SLC9A9: variants seen among roughly 807,000 people sequenced by gnomAD.
The protein encoded by SLC9A9 is solute carrier family 9 member A9, also known as sodium/hydrogen exchanger 9.
SLC9A9 carries 62 observed loss-of-function variants against 77.8 expected under a neutral mutation model. The ratio of observed to expected loss-of-function variants is 0.80; its 90% CI spans 0.65 to 0.98. The LOEUF is 0.98. SLC9A9 is among the 50% of genes least tolerant of loss of function. The pLI is 0.00. For synonymous variants in SLC9A9, 320 were observed against 283.5 expected, an observed-to-expected ratio of 1.13 and a Z score of -1.29; for missense variants, 775 against 774.9, an observed-to-expected ratio of 1.00 and a Z score of 0.00.
In SLC9A9 at chr3:143,687,143, C is replaced by T. The variant is rs1933297401; in HGVS notation, c.649+6049G>A. 2.6e-5 allele frequency among the ~76,000 whole-genome samples: 4 copies of T among 151,984 alleles called. No individual in the cohort carries two copies. In the South Asian group the frequency reaches 6.2e-4, roughly 24 times the overall value. On this transcript the variant is annotated intron_variant, in intron 5 of 15. Transcript: ENST00000316549. The stretch of plus-strand genomic sequence containing the variant: ...CAAATAATCCCAAATGGAGCTAAAT[C>T]GAAAATTGGCTGAGAGTCTGAAATG...
rs759985566 is a variant in SLC9A9 at position 143,652,406 on chromosome 3, T to C, written c.650-46A>G. ...ATGCAGGTTAGCTTGGATGCAGGCA[T>C]GGAGTTTTCCTTGGCTATGGTCACC... On this transcript the variant is annotated intron_variant, in intron 5 of 15. Transcript: ENST00000316549. 32 of 1,477,668 alleles carry C rather than the reference T, an allele frequency of 2.2e-5. No homozygotes were observed. The South Asian group carries it at 2.5e-4, about 11-fold the overall frequency. The allele number at this position is 1,477,668 out of a possible 1,614,324, so 91.5% of individuals were successfully genotyped here.
intron 12 of SLC9A9, among the ~76,000 whole-genome samples, chr3:143,441,523 G>A (rs1198585087): frequency 6.6e-6 from 1 of 152,000 alleles, no homozygotes; most frequent in Non-Finnish European, 1.5e-5. Flanking sequence ...TTAGTCAAAG[G>A]CATCTTGGCA....
intron 12 of SLC9A9, among the ~76,000 whole-genome samples, chr3:143,407,588 G>A (rs1013034408): frequency 3.9e-5 from 6 of 151,972 alleles, no homozygotes; most frequent in East Asian, 1.9e-4. Context: ...CTTTAACCAG[G>A]GCCTATGGGT....
At chr3:143,763,092 G>T (rs2007190612) in intron 4 of SLC9A9, among the ~76,000 whole-genome samples, 1 of 152,126 alleles carries the variant, frequency 6.6e-6, no homozygotes, top group South Asian at 2.1e-4. Flanking sequence ...TTATATGTCT[G>T]TAGAAGAGCC....
intron 4 of SLC9A9, among the ~76,000 whole-genome samples, chr3:143,790,418 T>A (rs1330601058): frequency 1.3e-5 from 2 of 152,212 alleles, no homozygotes; most frequent in East Asian, 3.8e-4. Flanking sequence ...TCTGAAATAT[T>A]TAGATTTTTC....
chr3:143,581,539 C>G (rs982234472), intron 6 of SLC9A9, among the ~76,000 whole-genome samples: 13 of 151,618 alleles, frequency 8.6e-5, no homozygotes, highest in African/African-American at 3.2e-4. Context: ...CTCCTTTTGT[C>G]TTTCCTTCCT....
chr3:143,690,545 A>T (rs1933429469), intron 5 of SLC9A9, among the ~76,000 whole-genome samples: 1 of 152,134 alleles, frequency 6.6e-6, no homozygotes, highest in Admixed American at 6.6e-5. Flanking sequence ...AAAGCAAGAA[A>T]CCTATCAAAA....
At chr3:143,300,264 C>T (rs950504231) in intron 14 of SLC9A9, among the ~76,000 whole-genome samples, 1 of 152,202 alleles carries the variant, frequency 6.6e-6, no homozygotes, top group Non-Finnish European at 1.5e-5. Flanking sequence ...GCACCTCTAT[C>T]ATAGGGTTGT....
chr3:143,508,759 C>A (rs989468573), intron 9 of SLC9A9, among the ~76,000 whole-genome samples: 1 of 152,122 alleles, frequency 6.6e-6, no homozygotes, highest in African/African-American at 2.4e-5. Context: ...TGACCAAATT[C>A]ATTGCTCAAC....
chr3:143,368,463 A>G (rs529124231), intron 13 of SLC9A9, among the ~76,000 whole-genome samples: 1 of 152,208 alleles, frequency 6.6e-6, no homozygotes, highest in Non-Finnish European at 1.5e-5. Flanking sequence ...AGTGAACTGG[A>G]TGAACTCTGC....
chr3:143,718,905 G>A (rs1003653881), intron 4 of SLC9A9, among the ~76,000 whole-genome samples: 3 of 152,096 alleles, frequency 2.0e-5, no homozygotes, highest in Non-Finnish European at 4.4e-5. Flanking sequence ...TTCCTATTTA[G>A]TAGCTACTTA....
chr3:143,655,194 C>T (rs989035273), intron 5 of SLC9A9, among the ~76,000 whole-genome samples: 6 of 152,218 alleles, frequency 3.9e-5, no homozygotes, highest in African/African-American at 1.2e-4. Context: ...AATTAGCTCC[C>T]TGGCAGGGCT....
chr3:143,795,289 A>AC (rs1235429849), intron 3 of SLC9A9, among the ~76,000 whole-genome samples: 2 of 147,584 alleles, frequency 1.4e-5, no homozygotes, highest in East Asian at 2.0e-4. Context: ...CAGAAAAAAA[A>AC]AAAAAAAAAA....
intron 6 of SLC9A9, among the ~76,000 whole-genome samples, chr3:143,645,213 C>T (rs932884949): frequency 1.3e-5 from 2 of 152,110 alleles, no homozygotes; most frequent in Non-Finnish European, 2.9e-5. Flanking sequence ...AAATAATTGC[C>T]TATGTGTTGT....
At chr3:143,546,190 C>T (rs1285912587) in intron 9 of SLC9A9, among the ~76,000 whole-genome samples, 1 of 152,158 alleles carries the variant, frequency 6.6e-6, no homozygotes, top group Non-Finnish European at 1.5e-5. Flanking sequence ...CAGAGTCATG[C>T]ACAGAACATA....
intron 12 of SLC9A9, among the ~76,000 whole-genome samples, chr3:143,384,536 C>A (rs548373111): frequency 6.6e-6 from 1 of 152,144 alleles, no homozygotes; most frequent in South Asian, 2.1e-4. Flanking sequence ...CAACATTTAA[C>A]GTTTGAGGCA....
rs2036319998 is a variant in SLC9A9, at chr3:143,522,574, C to A, written c.1090-27126G>T. 2.6e-5 allele frequency among the ~76,000 whole-genome samples: 4 copies of A among 152,234 alleles called. No homozygotes were observed. The South Asian group carries it at 8.3e-4, about 32-fold the overall frequency. ...TTTATATGACTTGTCACTTGGCATCCCCTATCATCTCATCTTCCCTGTCTA... is the reference window on the plus strand; with the variant it reads ...TTTATATGACTTGTCACTTGGCATCACCTATCATCTCATCTTCCCTGTCTA... On this transcript the variant is annotated intron_variant, in intron 9 of 15. Coordinates refer to ENST00000316549, the MANE Select transcript of SLC9A9 (RefSeq NM_173653.4).
intron 5 of SLC9A9, among the ~76,000 whole-genome samples, chr3:143,687,236 G>C (rs1868176): frequency 0.97 from 147,677 of 152,298 alleles, 71,638 homozygotes; most frequent in East Asian, 1. Context: ...AATAATAACA[G>C]CTAGCTAATA....
chr3:143,395,392 C>T (rs2033700931), intron 12 of SLC9A9, among the ~76,000 whole-genome samples: 2 of 152,142 alleles, frequency 1.3e-5, no homozygotes, highest in African/African-American at 4.8e-5. Context: ...ACTGGCTAGC[C>T]ATATGTAGAA....
Sources: allele counts gnomAD v4.1 joint callset (sites outside exome capture counted in the v4.1 genomes callset), GRCh38; gene constraint gnomAD v4.1.1; transcripts MANE v1.5; gene names NCBI Gene and HGNC (gene_info 2026-07-23, HGNC 2026-07-21).